FOXN3: variants seen among roughly 807,000 people sequenced by gnomAD.
The protein encoded by FOXN3 is forkhead box protein N3.
Under a neutral mutation model 38.4 loss-of-function variants are expected in FOXN3, and 7 were observed. The ratio of observed to expected loss-of-function variants is 0.18; its 90% CI spans 0.10 to 0.34. FOXN3 has a LOEUF of 0.34. Among genes scored for constraint, FOXN3 ranks in the 10% least tolerant of loss-of-function variants. The pLI, the probability that FOXN3 is intolerant of heterozygous loss-of-function variation, is 1.00. For synonymous variants in FOXN3, 230 were observed against 242.2 expected (o/e 0.95, Z 0.47); for missense variants, 456 against 613.4 (o/e 0.74, Z 2.71).
In FOXN3 at chr14:89,332,882, C is replaced by T. The variant is rs145906189; in HGVS notation, c.680+17790G>A. On this transcript the variant is annotated intron_variant, in intron 3 of 5. Transcript: ENST00000557258. ...AAACAAAACAAAACAAAAAACTAAA[C>T]AAATCCCACAAATAACCCAGTTTAA... Among the ~76,000 whole-genome samples, 8 of 152,126 alleles carry T rather than the reference C, an allele frequency of 5.3e-5. No homozygotes were observed. The East Asian group carries it at 1.5e-3, about 29-fold the overall frequency.
upstream of FOXN3, chr14:89,417,811 G>A (rs900695382): frequency 5.6e-5 from 25 of 450,448 alleles, no homozygotes; most frequent in Non-Finnish European, 9.4e-5. Flanking sequence ...GCACCGCAGC[G>A]TCCCACCCAG....
chr14:89,328,827 G>A (rs1320261237), intron 3 of FOXN3, among the ~76,000 whole-genome samples: 3 of 152,208 alleles, frequency 2.0e-5, no homozygotes, highest in African/African-American at 7.2e-5. Context: ...GAGCTTGACA[G>A]GTGATAACAA....
intron 4 of FOXN3, among the ~76,000 whole-genome samples, chr14:89,255,874 C>T (rs1885603112): frequency 6.6e-6 from 1 of 152,170 alleles, no homozygotes; most frequent in Non-Finnish European, 1.5e-5. Flanking sequence ...CCACTCTGCA[C>T]AGAGACCCTG....
intron 3 of FOXN3, among the ~76,000 whole-genome samples, chr14:89,336,431 A>G (rs910679171): frequency 3.3e-5 from 5 of 152,198 alleles, no homozygotes; most frequent in African/African-American, 1.2e-4. Flanking sequence ...TTAACAAGTG[A>G]TATGTCATTC....
intron 4 of FOXN3, among the ~76,000 whole-genome samples, chr14:89,206,605 G>C (rs1056950133): frequency 6.6e-6 from 1 of 152,162 alleles, no homozygotes; most frequent in Non-Finnish European, 1.5e-5. Flanking sequence ...CAAGCTGGTG[G>C]ATCAGGTTAC....
intron 3 of FOXN3, among the ~76,000 whole-genome samples, chr14:89,299,629 T>A (rs1478685589): frequency 1.3e-5 from 2 of 152,086 alleles, no homozygotes; most frequent in East Asian, 3.9e-4. Context: ...TGATAGAAGG[T>A]GGCCCGGGGA....
intron 1 of FOXN3, among the ~76,000 whole-genome samples, chr14:89,554,207 G>C (rs1895066592): frequency 6.6e-6 from 1 of 152,106 alleles, no homozygotes; most frequent in African/African-American, 2.4e-5. Context: ...TCACCAAGTT[G>C]GCCAGGCTGG....
chr14:89,437,922 A>G lies in FOXN3; in HGVS notation c.-14-25432T>C, dbSNP rs903826991. ...TGGCTAAGTTTATTGAGTGGTTACT[A>G]CATGACAGACAATGAGCTAGGGTTT... is the stretch of plus-strand genomic sequence containing the variant. On this transcript the variant is annotated intron_variant, in intron 1 of 6. Transcript: ENST00000345097. Among the ~76,000 whole-genome samples, 42 of 152,236 alleles carry G rather than the reference A, an allele frequency of 2.8e-4. 1 individual carries two copies. The highest frequency in any genetic ancestry group is 9.6e-4 in the African/African-American group (40 of 41,460).
At chr14:89,418,830 C>T (rs762877966), upstream of FOXN3, among the ~76,000 whole-genome samples, 6 of 152,132 alleles carry the variant, frequency 3.9e-5, no homozygotes, top group South Asian at 8.3e-4. Flanking sequence ...GCTTATTCTC[C>T]GCCAGAGGAA....
chr14:89,572,756 G>A (rs918559312), intron 1 of FOXN3, among the ~76,000 whole-genome samples: 3 of 152,246 alleles, frequency 2.0e-5, no homozygotes, highest in Admixed American at 6.5e-5. Flanking sequence ...GTGATGACAA[G>A]TTAGAGTCCT....
At chr14:89,505,833 C>A in intron 1 of FOXN3, among the ~76,000 whole-genome samples, 1 of 151,412 alleles carries the variant, frequency 6.6e-6, no homozygotes, top group East Asian at 2.0e-4. Flanking sequence ...AAGTGAGGAG[C>A]GTCTCTGCCC....
In FOXN3 at chr14:89,548,729, G is replaced by A. The variant is rs1276631633; in HGVS notation, c.-15+70299C>T. Among the ~76,000 whole-genome samples the A allele has an allele frequency of 6.6e-6, 1 of 152,118 alleles. No individual in the cohort carries two copies. Among genetic ancestry groups the A allele is most frequent in the East Asian group, 1.9e-4 (1 of 5,192 alleles). On this transcript the variant is annotated intron_variant, in intron 1 of 6. Transcript: ENST00000345097. This position sits in a 1 kb window ranked among gnomAD's most constrained non-coding sequence, Gnocchi z 4.8. ...TATGCCTATATATTACAAGATCTAG[G>A]TAGCCTAACACAATTGTTTTCAAAT...
intron 1 of FOXN3, among the ~76,000 whole-genome samples, chr14:89,449,863 T>C (rs1468349817): frequency 6.6e-6 from 1 of 152,180 alleles, no homozygotes; most frequent in Non-Finnish European, 1.5e-5. Context: ...GCCAGAACAC[T>C]GCCCTTTTAA....
Position 89,529,872 on chromosome 14 carries a change from C to T in FOXN3, c.-15+89156G>A, listed in dbSNP as rs901937304. 3.9e-5 allele frequency among the ~76,000 whole-genome samples: 6 copies of T among 152,110 alleles called. No homozygotes were observed. The East Asian group carries it at 1.2e-3, about 29-fold the overall frequency. On this transcript the variant is annotated intron_variant, in intron 1 of 6. Coordinates refer to the FOXN3 transcript ENST00000345097. ...GCAGCGAGCTATGAGTGCACCACTG[C>T]ACTCCAGCCTGGGTAACTGTATTAG...
intron 1 of FOXN3, among the ~76,000 whole-genome samples, chr14:89,487,374 T>G (rs1893470598): frequency 6.6e-6 from 1 of 152,236 alleles, no homozygotes; most frequent in Non-Finnish European, 1.5e-5. Context: ...GTATATTAAT[T>G]AGATCGGCGG....
chr14:89,206,867 G>A (rs1237938904), intron 4 of FOXN3, among the ~76,000 whole-genome samples: 1 of 151,954 alleles, frequency 6.6e-6, no homozygotes, highest in Non-Finnish European at 1.5e-5. Context: ...CCTAAGCCGT[G>A]CCTGGGAGCC....
At chr14:89,400,904 C>T (rs909141321) in intron 2 of FOXN3, among the ~76,000 whole-genome samples, 2 of 152,070 alleles carry the variant, frequency 1.3e-5, no homozygotes, top group South Asian at 4.2e-4. Context: ...CATTACCTAC[C>T]CTGTCCATGG....
intron 1 of FOXN3, among the ~76,000 whole-genome samples, chr14:89,477,727 T>C (rs1486095799): frequency 6.6e-6 from 1 of 152,170 alleles, no homozygotes; most frequent in African/African-American, 2.4e-5. Context: ...AAATAAGGAT[T>C]TAGACCAGCT....
intron 4 of FOXN3, among the ~76,000 whole-genome samples, chr14:89,267,184 A>G (rs1304115333): frequency 6.6e-6 from 1 of 152,172 alleles, no homozygotes; most frequent in East Asian, 1.9e-4. Context: ...TGAGGAGATG[A>G]GGGTGGCTAC....
Sources: allele counts gnomAD v4.1 joint callset (sites outside exome capture counted in the v4.1 genomes callset), GRCh38; gene constraint gnomAD v4.1.1; non-coding constraint Gnocchi (gnomAD v3.1); transcripts MANE v1.5; gene names NCBI Gene and HGNC (gene_info 2026-07-23, HGNC 2026-07-21).